RAB3GAP1: variants seen among roughly 807,000 people sequenced by gnomAD.
The protein encoded by RAB3GAP1 is RAB3 GTPase activating protein catalytic subunit 1.
A neutral mutation model predicts 130.7 loss-of-function variants in RAB3GAP1; 86 were observed. The observed-to-expected ratio is 0.66, with a 90% CI of 0.55 to 0.79. RAB3GAP1 has a LOEUF of 0.79. Among genes scored for constraint, RAB3GAP1 ranks in the 30% least tolerant of loss-of-function variants. The pLI, the probability that RAB3GAP1 is intolerant of heterozygous loss-of-function variation, is 0.00. For synonymous variants in RAB3GAP1, 367 were observed against 401.7 expected, an observed-to-expected ratio of 0.91 and a Z score of 1.03; for missense variants, 1,029 against 1,169.4, an observed-to-expected ratio of 0.88 and a Z score of 1.75.
chr2:135,169,974 TAAAA>T lies in RAB3GAP1; in HGVS notation c.*1205_*1208del, dbSNP rs200869351. 128 of 215,436 alleles carry T rather than the reference TAAAA, an allele frequency of 5.9e-4. No homozygotes were observed. The highest frequency in any genetic ancestry group is 8.0e-4 in the Non-Finnish European group (86 of 107,072). 13.3% of individuals were successfully genotyped at this position (215,436 alleles called of 1,614,324 possible). A position where few individuals can be genotyped will look rare whatever the true frequency, so the allele number is the denominator to read the frequency against. On this transcript the variant is annotated 3_prime_UTR_variant, in exon 24 of 24. Transcript: ENST00000264158. ...AGCTGTGCAAACCCTGTTATTTTTGTAAAAAAAAAAAAAAATACATATCTATATA... is the reference window on the plus strand; with the variant it reads ...AGCTGTGCAAACCCTGTTATTTTTGTAAAAAAAAAAATACATATCTATATA...
intron 17 of RAB3GAP1, among the ~76,000 whole-genome samples, chr2:135,147,810 G>A (rs1692046439): frequency 6.6e-6 from 1 of 152,014 alleles, no homozygotes; most frequent in Non-Finnish European, 1.5e-5. Flanking sequence ...ACAGGGTCTT[G>A]CTTTGTTGCC....
At chr2:135,089,459 C>G (rs1690079675) in intron 3 of RAB3GAP1, among the ~76,000 whole-genome samples, 1 of 150,942 alleles carries the variant, frequency 6.6e-6, no homozygotes, top group African/African-American at 2.5e-5. Flanking sequence ...AGCATTGAAT[C>G]TATAAATTCC....
chr2:135,052,620 C>T lies in RAB3GAP1; in HGVS notation c.74+135C>T, dbSNP rs150851637. ...ATACCGTGGGTCCCGGGTCTCCTCC[C>T]CCAGTCTTCTTTGGTCAACCGCAAG... is the stretch of plus-strand genomic sequence containing the variant. On this transcript the variant is annotated intron_variant, in intron 2 of 23. Coordinates refer to ENST00000264158, the MANE Select transcript of RAB3GAP1 (RefSeq NM_012233.3). 1.7e-3 allele frequency: 1,777 copies of T among 1,041,032 alleles called. 8 individuals are homozygous for T. The highest frequency in any genetic ancestry group is 0.014 in the African/African-American group (897 of 63,404). The allele number at this position is 1,041,032 out of a possible 1,614,324, so 64.5% of individuals were successfully genotyped here. A position where few individuals can be genotyped will look rare whatever the true frequency, so the allele number is the denominator to read the frequency against.
chr2:135,095,536 G>C (rs1307460161), intron 5 of RAB3GAP1, among the ~76,000 whole-genome samples: 2 of 152,160 alleles, frequency 1.3e-5, no homozygotes, highest in African/African-American at 2.4e-5. Flanking sequence ...ATGTTGATCT[G>C]TTATGTGATA....
chr2:135,078,248 G>A (rs897460146), intron 3 of RAB3GAP1, among the ~76,000 whole-genome samples: 2 of 151,976 alleles, frequency 1.3e-5, no homozygotes, highest in Non-Finnish European at 2.9e-5. Flanking sequence ...TAAGTAGTGA[G>A]GTTCTTTATG....
intron 2 of RAB3GAP1, among the ~76,000 whole-genome samples, chr2:135,056,473 GA>G (rs1689015951): frequency 6.6e-6 from 1 of 152,228 alleles, no homozygotes; most frequent in Non-Finnish European, 1.5e-5. Flanking sequence ...AAAGTGCTGG[GA>G]TTACACGCGT....
At chr2:135,053,847 G>A (rs1356198494) in intron 2 of RAB3GAP1, among the ~76,000 whole-genome samples, 3 of 152,108 alleles carry the variant, frequency 2.0e-5, no homozygotes, top group Non-Finnish European at 4.4e-5. Flanking sequence ...TATTTAAATA[G>A]GGGTGATATT....
intron 23 of RAB3GAP1, among the ~76,000 whole-genome samples, chr2:135,166,996 C>T (rs899707349): frequency 6.6e-6 from 1 of 152,152 alleles, no homozygotes; most frequent in Non-Finnish European, 1.5e-5. Flanking sequence ...ATACATATAA[C>T]AAGCATCTGG....
chr2:135,091,964 C>T (rs1690155440), intron 4 of RAB3GAP1, among the ~76,000 whole-genome samples: 1 of 152,168 alleles, frequency 6.6e-6, no homozygotes, highest in African/African-American at 2.4e-5. Flanking sequence ...CTGATCATAA[C>T]AGATTATCAT....
intron 17 of RAB3GAP1, chr2:135,137,191 T>G (rs56670137): frequency 0.017 from 7,052 of 403,606 alleles, 482 homozygotes; most frequent in African/African-American, 0.14. Flanking sequence ...TCCAATTTCA[T>G]GTTGACTTGA....
At chr2:135,140,478 T>C (rs1454461257) in intron 17 of RAB3GAP1, among the ~76,000 whole-genome samples, 1 of 152,198 alleles carries the variant, frequency 6.6e-6, no homozygotes, top group Non-Finnish European at 1.5e-5. Flanking sequence ...ATAATCATGC[T>C]CGTGGCTATA....
chr2:135,086,746 T>C (rs1441457913), intron 3 of RAB3GAP1, among the ~76,000 whole-genome samples: 2 of 139,516 alleles, frequency 1.4e-5, no homozygotes, highest in Non-Finnish European at 3.0e-5. Flanking sequence ...CAATCATAGC[T>C]CACTGCAGCC....
intron 3 of RAB3GAP1, among the ~76,000 whole-genome samples, chr2:135,086,625 ATTTT>A (rs1337344390): frequency 2.9e-5 from 2 of 68,398 alleles, no homozygotes; most frequent in Non-Finnish European, 6.4e-5. Context: ...TCAGGTATGT[ATTTT>A]GTTTTTCCTG....
intron 17 of RAB3GAP1, among the ~76,000 whole-genome samples, chr2:135,137,809 G>A (rs1023023405): frequency 4.0e-5 from 6 of 151,068 alleles, no homozygotes; most frequent in African/African-American, 1.2e-4. Flanking sequence ...GTTTTTAAGG[G>A]TTTTGTTTTG....
intron 3 of RAB3GAP1, among the ~76,000 whole-genome samples, chr2:135,080,006 A>G (rs1030070744): frequency 6.6e-6 from 1 of 151,318 alleles, no homozygotes; most frequent in African/African-American, 2.4e-5. Flanking sequence ...AGTCCCAGCT[A>G]CTCGGGAGGC....
chr2:135,103,382 C>T (rs950850602), intron 5 of RAB3GAP1, among the ~76,000 whole-genome samples: 5 of 152,008 alleles, frequency 3.3e-5, no homozygotes, highest in Non-Finnish European at 7.4e-5. Flanking sequence ...AATAGAGATA[C>T]ATGTAAAAGA....
At chr2:135,080,116 C>CAAAAAAA (rs764426198) in intron 3 of RAB3GAP1, among the ~76,000 whole-genome samples, 2 of 73,308 alleles carry the variant, frequency 2.7e-5, no homozygotes, top group African/African-American at 4.1e-5. Flanking sequence ...GACTCCGTCT[C>CAAAAAAA]AAAAAAAAAA....
intron 3 of RAB3GAP1, among the ~76,000 whole-genome samples, chr2:135,088,726 A>T (rs868523387): frequency 2.1e-4 from 32 of 151,630 alleles, no homozygotes; most frequent in Non-Finnish European, 3.4e-4. Flanking sequence ...AAGAAAAAAA[A>T]TTAAAATTCT....
intron 3 of RAB3GAP1, among the ~76,000 whole-genome samples, chr2:135,076,077 A>AT (rs2104849406): frequency 6.6e-6 from 1 of 151,294 alleles, no homozygotes; most frequent in South Asian, 2.1e-4. Flanking sequence ...CTCCCAGCTA[A>AT]TTTTTTGTAT....
Sources: allele counts gnomAD v4.1 joint callset (sites outside exome capture counted in the v4.1 genomes callset), GRCh38; gene constraint gnomAD v4.1.1; transcripts MANE v1.5; gene names NCBI Gene and HGNC (gene_info 2026-07-23, HGNC 2026-07-21).